RELL1: variants seen among roughly 807,000 people sequenced by gnomAD.
RELL1 encodes RELT like 1.
RELL1 carries 10 observed loss-of-function variants against 23.0 expected under a neutral mutation model. The observed-to-expected ratio is 0.43, with a 90% CI of 0.27 to 0.74. The LOEUF (loss-of-function observed/expected upper bound fraction) is 0.74, where lower values mean the gene tolerates loss of function less well. RELL1 is among the 30% of genes least tolerant of loss of function. RELL1 has a pLI of 0.19. For synonymous variants in RELL1, 146 were observed against 146.8 expected, an observed-to-expected ratio of 0.99 and a Z score of 0.04; for missense variants, 315 against 364.4, an observed-to-expected ratio of 0.86 and a Z score of 1.10.
At chr4:37,604,008 G>T (rs1490832866) in intron 6 of RELL1, among the ~76,000 whole-genome samples, 1 of 152,146 alleles carries the variant, frequency 6.6e-6, no homozygotes, top group Non-Finnish European at 1.5e-5. Context: ...TTTTCAAAGA[G>T]TCAGGGTTTT....
intron 3 of RELL1, among the ~76,000 whole-genome samples, chr4:37,641,844 A>C (rs1375358857): frequency 6.6e-6 from 1 of 152,230 alleles, no homozygotes; most frequent in Non-Finnish European, 1.5e-5. Context: ...GGCACGTGCC[A>C]GTCACTGCCT....
intron 6 of RELL1, among the ~76,000 whole-genome samples, chr4:37,596,929 C>T (rs1718879462): frequency 6.6e-6 from 1 of 150,954 alleles, no homozygotes; most frequent in Non-Finnish European, 1.5e-5. Context: ...TGTATTTTTA[C>T]TGGAGACAGG....
Position 37,652,628 on chromosome 4 carries a change from G to A in RELL1, c.89-3128C>T, listed in dbSNP as rs80320428. Among the ~76,000 whole-genome samples, 162 of 152,222 alleles carry A rather than the reference G, an allele frequency of 1.1e-3. 2 individuals carry two copies. The East Asian group carries it at 0.029, about 27-fold the overall frequency. ...TTTTTAGGGGGACAATGGGAAAGAG[G>A]GATGAAAGAGGGGCTCAGAATTGGA... is the stretch of plus-strand genomic sequence containing the variant. On this transcript the variant is annotated intron_variant, in intron 1 of 6. Coordinates refer to ENST00000454158, the MANE Select transcript of RELL1 (RefSeq NM_001085400.2).
At chr4:37,676,278 C>T (rs1432692499) in intron 1 of RELL1, among the ~76,000 whole-genome samples, 1 of 152,178 alleles carries the variant, frequency 6.6e-6, no homozygotes, top group African/African-American at 2.4e-5. Context: ...TTGTTCACAT[C>T]ACTTCATTCT....
chr4:37,605,035 G>A (rs1040902988), intron 6 of RELL1, among the ~76,000 whole-genome samples: 3 of 152,010 alleles, frequency 2.0e-5, no homozygotes, highest in African/African-American at 7.2e-5. Flanking sequence ...TAATATGTAT[G>A]CTAGTGTTGA....
chr4:37,631,323 C>A, intron 6 of RELL1, 62 bp downstream of exon 6: 1 of 1,530,984 alleles, frequency 6.5e-7, no homozygotes, highest in Non-Finnish European at 8.8e-7. Context: ...CTGGGAGGCT[C>A]CAAGTACCTT....
intron 1 of RELL1, among the ~76,000 whole-genome samples, chr4:37,663,666 A>T (rs1357766938): frequency 1.3e-5 from 2 of 152,360 alleles, no homozygotes; most frequent in Middle Eastern, 3.4e-3. Context: ...CACGGGTTCA[A>T]TAACAAGCCT....
intron 6 of RELL1, among the ~76,000 whole-genome samples, chr4:37,629,895 T>C (rs1203285201): frequency 6.6e-6 from 1 of 152,168 alleles, no homozygotes; most frequent in Non-Finnish European, 1.5e-5. Context: ...GACGGAGCAT[T>C]TCCCACGTGC....
In RELL1 at chr4:37,685,774, A is replaced by C. The variant is rs190937808; in HGVS notation, c.88+426T>G. ...TATTTTAAGGTATTTAAAAGGGAGA[A>C]GGAGGCGCCGACAGCGCACCCGGTG... On this transcript the variant is annotated intron_variant, in intron 1 of 6. Coordinates refer to ENST00000454158, the MANE Select transcript of RELL1 (RefSeq NM_001085400.2). Among the ~76,000 whole-genome samples, 547 of 152,370 alleles carry C rather than the reference A, an allele frequency of 3.6e-3. 3 individuals are homozygous for C. Among genetic ancestry groups the C allele is most frequent in the African/African-American group, 0.013 (533 of 41,600 alleles).
intron 1 of RELL1, among the ~76,000 whole-genome samples, chr4:37,684,904 G>A (rs550253755): frequency 1.3e-5 from 2 of 152,272 alleles, no homozygotes; most frequent in Admixed American, 6.5e-5. Flanking sequence ...AGTGAGCCGA[G>A]GTTGTGCCAC....
intron 1 of RELL1, among the ~76,000 whole-genome samples, chr4:37,684,349 C>CAAAAA (rs372907719): frequency 1.9e-3 from 266 of 137,790 alleles, no homozygotes; most frequent in Admixed American, 3.4e-3. Flanking sequence ...TAATTTTCAT[C>CAAAAA]AAAAAAAAAA....
At chr4:37,610,016 T>G (rs181696811), downstream of RELL1, among the ~76,000 whole-genome samples, 558 of 152,310 alleles carry the variant, frequency 3.7e-3, 7 homozygotes, top group Non-Finnish European at 1.5e-3. This position sits in a 1 kb window ranked among gnomAD's most constrained non-coding sequence, Gnocchi z 4.1. Flanking sequence ...TGTTCTACTG[T>G]GATAAAATGC....
chr4:37,612,329 AAAAAAAAAAC>A lies in RELL1; in HGVS notation c.*1007_*1016del, dbSNP rs1333370434. Reference sequence around the variant, plus strand: ...AATCGCTCAGCTAAAGGTTAAAAAAAAAAAAAAAACAAAAAAAAACAAAAAACCGGGTGCA... The same window carrying A: ...AATCGCTCAGCTAAAGGTTAAAAAAAAAAAAAAAACAAAAAACCGGGTGCA... On this transcript the variant is annotated 3_prime_UTR_variant, in exon 7 of 7. Coordinates refer to ENST00000454158, the MANE Select transcript of RELL1 (RefSeq NM_001085400.2). Among the ~76,000 whole-genome samples, 21 of 32,384 alleles carry A rather than the reference AAAAAAAAAAC, an allele frequency of 6.5e-4. No homozygotes were observed. In the South Asian group the frequency reaches 9.1e-3, roughly 14 times the overall value. The allele number at this position is 32,384 out of a possible 152,430, so 21.2% of individuals were successfully genotyped here. A position where few individuals can be genotyped will look rare whatever the true frequency, so the allele number is the denominator to read the frequency against.
downstream of RELL1, among the ~76,000 whole-genome samples, chr4:37,605,963 G>GAGGGAGGGAGGAAGGA (rs1719204161): frequency 6.8e-6 from 1 of 147,916 alleles, no homozygotes; most frequent in Non-Finnish European, 1.5e-5. Flanking sequence ...GGGAAGGAGA[G>GAGGGAGGGAGGAAGGA]AGGGAGGGAG....
chr4:37,635,714 T>C lies in RELL1; in HGVS notation c.444-591A>G, dbSNP rs148644226. 6.6e-5 allele frequency among the ~76,000 whole-genome samples: 10 copies of C among 152,370 alleles called. No individual in the cohort carries two copies. In the East Asian group the frequency reaches 1.9e-3, roughly 29 times the overall value. ...TGCTTCTAATAGTGATACACTGGCT[T>C]TAAAGTATTATGTTTCTTTCTAAAA... On this transcript the variant is annotated intron_variant, in intron 4 of 6. Transcript: ENST00000454158.
At chr4:37,614,213 T>C (rs1719499711) in intron 6 of RELL1, among the ~76,000 whole-genome samples, 1 of 152,226 alleles carries the variant, frequency 6.6e-6, no homozygotes, top group South Asian at 2.1e-4. Context: ...ATGTACCTTA[T>C]TATTATCTAT....
At chr4:37,666,003 GAGAA>G (rs1721518366) in intron 1 of RELL1, among the ~76,000 whole-genome samples, 2 of 152,194 alleles carry the variant, frequency 1.3e-5, no homozygotes, top group South Asian at 4.1e-4. Context: ...CAGGCAGAGG[GAGAA>G]AGAGAGATGG....
At chr4:37,651,765 G>A (rs1346948846) in intron 1 of RELL1, among the ~76,000 whole-genome samples, 1 of 152,132 alleles carries the variant, frequency 6.6e-6, no homozygotes, top group African/African-American at 2.4e-5. Flanking sequence ...AAAGGCCCCA[G>A]ACCCAGCCAC....
rs1192478738 is a variant in RELL1, at chr4:37,611,158, T to C, written c.*2188A>G. 6.6e-6 allele frequency among the ~76,000 whole-genome samples: 1 copy of C among 152,206 alleles called. No homozygotes were observed. The highest frequency in any genetic ancestry group is 2.4e-5 in the African/African-American group (1 of 41,458). On this transcript the variant is annotated 3_prime_UTR_variant, in exon 7 of 7. Coordinates refer to ENST00000454158, the MANE Select transcript of RELL1 (RefSeq NM_001085400.2). ...TGGAAAAATAATTAAAGCTAAAGAA[T>C]ATCTTACATTTTATCCCCCACCATT... is the stretch of plus-strand genomic sequence containing the variant.
Sources: allele counts gnomAD v4.1 joint callset (sites outside exome capture counted in the v4.1 genomes callset), GRCh38; gene constraint gnomAD v4.1.1; non-coding constraint Gnocchi (gnomAD v3.1); transcripts MANE v1.5; gene names NCBI Gene and HGNC (gene_info 2026-07-23, HGNC 2026-07-21).